The following UTRN variants were observed in gnomAD, a reference collection of about 807,000 sequenced individuals.
UTRN encodes the protein dystrophin-related protein 1.
In UTRN, 283 loss-of-function variants were observed where a neutral mutation model predicts 463.9. That is an observed-to-expected ratio of 0.61 (90% confidence interval 0.55 to 0.67). The LOEUF (loss-of-function observed/expected upper bound fraction) is 0.67, where lower values mean the gene tolerates loss of function less well. Among genes scored for constraint, UTRN ranks in the 30% least tolerant of loss-of-function variants. The pLI, the probability that UTRN is intolerant of heterozygous loss-of-function variation, is 0.00. For synonymous variants in UTRN, 1,442 were observed against 1,431.5 expected, an observed-to-expected ratio of 1.01 and a Z score of -0.17; for missense variants, 3,922 against 4,084.3, an observed-to-expected ratio of 0.96 and a Z score of 1.08.
chr6:144,671,250 T>A (rs1471888172), intron 51 of UTRN, among the ~76,000 whole-genome samples: 3 of 152,162 alleles, frequency 2.0e-5, no homozygotes, highest in African/African-American at 7.2e-5. Context: ...TTTCACAATA[T>A]TTATTCTACT....
intron 30 of UTRN, 116 bp from the exon 31 acceptor site, chr6:144,489,955 A>G (rs990069199): frequency 1.8e-5 from 25 of 1,422,390 alleles, no homozygotes; most frequent in African/African-American, 2.9e-5. Context: ...GGAGGTCAAC[A>G]TTATGTAAAA....
intron 13 of UTRN, among the ~76,000 whole-genome samples, chr6:144,442,476 T>G (rs1328037192): frequency 6.6e-6 from 1 of 152,212 alleles, no homozygotes; most frequent in Non-Finnish European, 1.5e-5. Context: ...ATTTTCATGC[T>G]GCTGATAAAA....
chr6:144,336,152 T>G (rs1051211611), intron 2 of UTRN, among the ~76,000 whole-genome samples: 1 of 152,152 alleles, frequency 6.6e-6, no homozygotes, highest in African/African-American at 2.4e-5. Flanking sequence ...AGGGCTGAGA[T>G]GCCTACAGGT....
intron 62 of UTRN, 125 bp from the exon 63 acceptor site, chr6:144,793,709 A>G: frequency 8.6e-7 from 1 of 1,168,862 alleles, no homozygotes; most frequent in Non-Finnish European, 1.2e-6. Context: ...GGAGACAACG[A>G]ATCAGATTCA....
At chr6:144,470,730 G>C (rs1330661371) in intron 23 of UTRN, among the ~76,000 whole-genome samples, 2 of 151,994 alleles carry the variant, frequency 1.3e-5, no homozygotes, top group Non-Finnish European at 2.9e-5. Context: ...ACTCCAGCCT[G>C]GGCAACATTG....
intron 2 of UTRN, among the ~76,000 whole-genome samples, chr6:144,383,045 C>T (rs1329802274): frequency 6.6e-6 from 1 of 151,422 alleles, no homozygotes; most frequent in African/African-American, 2.4e-5. Context: ...GATCCTCCCA[C>T]CCCACCCTCC....
intron 14 of UTRN, among the ~76,000 whole-genome samples, chr6:144,444,829 ATAT>A (rs1318205884): frequency 6.6e-6 from 1 of 152,212 alleles, no homozygotes. Flanking sequence ...TAATGAGAAA[ATAT>A]TATTTAGTCA....
intron 2 of UTRN, among the ~76,000 whole-genome samples, chr6:144,363,162 A>G (rs908933037): frequency 1.3e-5 from 2 of 152,240 alleles, no homozygotes; most frequent in Non-Finnish European, 1.5e-5. Context: ...TAGAGAAACC[A>G]TGGCACACAA....
intron 51 of UTRN, among the ~76,000 whole-genome samples, chr6:144,646,103 A>G (rs969825239): frequency 6.6e-6 from 1 of 152,192 alleles, no homozygotes; most frequent in Admixed American, 6.5e-5. Flanking sequence ...TTTACTGTAT[A>G]CTTACTTAAC....
intron 2 of UTRN, among the ~76,000 whole-genome samples, chr6:144,363,961 T>C (rs1779290650): frequency 6.6e-6 from 1 of 152,148 alleles, no homozygotes; most frequent in Admixed American, 6.6e-5. Context: ...GTTTGGAGCA[T>C]AAGATATTTT....
chr6:144,596,384 ATAACCT>A (rs933233499), intron 51 of UTRN, among the ~76,000 whole-genome samples: 1 of 152,188 alleles, frequency 6.6e-6, no homozygotes, highest in African/African-American at 2.4e-5. Flanking sequence ...GTAACATTTA[ATAACCT>A]ATGGTGACTT....
At chr6:144,674,830 A>T (rs1264485702) in intron 51 of UTRN, among the ~76,000 whole-genome samples, 1 of 152,194 alleles carries the variant, frequency 6.6e-6, no homozygotes, top group African/African-American at 2.4e-5. Context: ...AAGTACTGGG[A>T]TTACTGGCAT....
chr6:144,840,355 AAGG>A (rs1213868605), intron 72 of UTRN, among the ~76,000 whole-genome samples: 2 of 152,162 alleles, frequency 1.3e-5, no homozygotes, highest in Non-Finnish European at 2.9e-5. Flanking sequence ...TCCAAAAAGA[AAGG>A]AGGACAGAAA....
intron 48 of UTRN, among the ~76,000 whole-genome samples, chr6:144,552,155 C>G (rs1235091165): frequency 6.6e-6 from 1 of 152,096 alleles, no homozygotes; most frequent in African/African-American, 2.4e-5. Flanking sequence ...AAGGATAAAT[C>G]CTAATATTTG....
chr6:144,325,741 G>A (rs1775935731), intron 2 of UTRN, among the ~76,000 whole-genome samples: 1 of 152,172 alleles, frequency 6.6e-6, no homozygotes, highest in Admixed American at 6.5e-5. Flanking sequence ...GTCAGCAGAT[G>A]TTTGAAAGCC....
At chr6:144,701,001 G>T (rs1043128936) in intron 53 of UTRN, among the ~76,000 whole-genome samples, 5 of 151,964 alleles carry the variant, frequency 3.3e-5, no homozygotes, top group African/African-American at 1.2e-4. Context: ...TCACCTCCTG[G>T]GTCCAAGAGA....
chr6:144,339,357 T>C (rs1776962255), intron 2 of UTRN, among the ~76,000 whole-genome samples: 2 of 152,314 alleles, frequency 1.3e-5, no homozygotes, highest in South Asian at 4.1e-4. Context: ...TTTTGAAGTA[T>C]TGCTTGTATG....
chr6:144,520,173 A>G (rs1426565673), intron 39 of UTRN, among the ~76,000 whole-genome samples: 2 of 152,240 alleles, frequency 1.3e-5, no homozygotes, highest in Non-Finnish European at 2.9e-5. Flanking sequence ...TTTCGACATG[A>G]TTACTCAACC....
chr6:144,554,891 C>A lies in UTRN; in HGVS notation c.7132C>A (p.Gln2378Lys). ...ACTCACCAAACAAATTTCTGATAAC[C>A]AAGTAAGACTCATCAGATATTTTTT... is the stretch of plus-strand genomic sequence containing the variant. The part of the protein sequence containing the change: ...DPLTKQISDN[Q>K]ILLQELGPGD... The change falls in exon 49 of 75, where the codon CAA becomes AAA. Residue 2378 changes from glutamine to lysine, a missense_variant and splice_region_variant. Around this residue, in one of 3 missense-constraint regions of UTRN, gnomAD observed 1,309 missense variants for 1,452.6 expected, o/e 0.90. Coordinates refer to ENST00000367545, the MANE Select transcript of UTRN (RefSeq NM_007124.3). The A allele has an allele frequency of 1.2e-6, 2 of 1,613,808 alleles. No homozygotes were observed. Among genetic ancestry groups the A allele is most frequent in the South Asian group, 2.2e-5 (2 of 90,976 alleles).
Sources: gnomAD v4.1 joint callset for allele counts (sites outside exome capture counted in the v4.1 genomes callset) on GRCh38, gnomAD v4.1.1 for gene constraint, gnomAD v4.1.1 regional missense constraint, MANE v1.5 for transcripts, NCBI Gene and HGNC (gene_info 2026-07-23, HGNC 2026-07-21) for gene names.